The following SVOP variants were observed in gnomAD, a reference collection of about 807,000 sequenced individuals.
SVOP encodes SV2 related protein, also known as synaptic vesicle 2-related protein.
In SVOP, 17 loss-of-function variants were observed where a neutral mutation model predicts 69.1. That is an observed-to-expected ratio of 0.25 (90% CI 0.17 to 0.37). The LOEUF (loss-of-function observed/expected upper bound fraction) is 0.37, where lower values mean the gene tolerates loss of function less well. SVOP is among the 10% of genes least tolerant of loss of function. The probability of loss-of-function intolerance (pLI) is 1.00; values close to 1 mark genes in which losing one functional copy is unlikely to be tolerated. For missense variants in SVOP, 435 were observed against 597.5 expected (o/e 0.73, Z 2.84); for synonymous variants, 238 against 238.6 (o/e 1.00, Z 0.02).
chr12:108,929,357 T>A (rs2039801893), intron 11 of SVOP, among the ~76,000 whole-genome samples: 1 of 152,210 alleles, frequency 6.6e-6, no homozygotes, highest in Non-Finnish European at 1.5e-5. Flanking sequence ...GGCCTCGCTC[T>A]GTTGCCCAGG....
intron 5 of SVOP, among the ~76,000 whole-genome samples, chr12:108,961,427 C>CTT (rs373090263): frequency 2.3e-5 from 3 of 133,272 alleles, no homozygotes; most frequent in African/African-American, 5.5e-5. Context: ...ACATTCAAGA[C>CTT]TTTTTTTTTT....
At chr12:108,933,481 C>T (rs1252810954) in intron 11 of SVOP, among the ~76,000 whole-genome samples, 1 of 151,596 alleles carries the variant, frequency 6.6e-6, no homozygotes, top group Non-Finnish European at 1.5e-5. Context: ...AGTTTGAGAC[C>T]TGCCTGGCCA....
intron 1 of SVOP, among the ~76,000 whole-genome samples, chr12:108,996,733 C>A (rs960293382): frequency 1.3e-5 from 2 of 152,006 alleles, no homozygotes; most frequent in Admixed American, 1.3e-4. Flanking sequence ...GAGCTATAGA[C>A]CAGCCTGGGT....
chr12:108,944,381 G>C (rs1455083229), intron 7 of SVOP, among the ~76,000 whole-genome samples: 3 of 151,956 alleles, frequency 2.0e-5, no homozygotes, highest in Non-Finnish European at 4.4e-5. Context: ...CACCCTAATT[G>C]GTAAGAAGCA....
At chr12:108,989,664 A>G (rs141494394) in intron 1 of SVOP, among the ~76,000 whole-genome samples, 135,310 of 152,236 alleles carry the variant, frequency 0.89, 61,264 homozygotes, top group Non-Finnish European at 0.99. Flanking sequence ...GGGGCAATCC[A>G]GAGGGAGCTA....
chr12:108,990,953 C>T (rs2040197028), intron 1 of SVOP, among the ~76,000 whole-genome samples: 1 of 152,218 alleles, frequency 6.6e-6, no homozygotes, highest in Non-Finnish European at 1.5e-5. Flanking sequence ...GATCTGGGGA[C>T]TGCTCTTCTC....
intron 1 of SVOP, among the ~76,000 whole-genome samples, chr12:109,000,001 T>A (rs1273593542): frequency 6.7e-6 from 1 of 149,998 alleles, no homozygotes; most frequent in Non-Finnish European, 1.5e-5. Context: ...AAAAAACCCT[T>A]CAAAAAATTA....
chr12:108,931,996 A>G (rs1380103721), intron 11 of SVOP, among the ~76,000 whole-genome samples: 1 of 152,028 alleles, frequency 6.6e-6, no homozygotes, highest in Non-Finnish European at 1.5e-5. Context: ...GGGATTTGCG[A>G]TGATAATTTT....
intron 6 of SVOP, among the ~76,000 whole-genome samples, chr12:108,956,889 G>T (rs1302628070): frequency 6.6e-6 from 1 of 152,236 alleles, no homozygotes; most frequent in African/African-American, 2.4e-5. Context: ...TAAGGTGTCA[G>T]CTTGGAGACG....
intron 8 of SVOP, among the ~76,000 whole-genome samples, chr12:108,940,080 C>T (rs925799158): frequency 6.6e-6 from 1 of 152,232 alleles, no homozygotes; most frequent in African/African-American, 2.4e-5. Flanking sequence ...GCTGGTATCA[C>T]CCTGACTAAT....
chr12:109,016,813 G>A (rs1474641070), intron 1 of SVOP, among the ~76,000 whole-genome samples: 3 of 150,824 alleles, frequency 2.0e-5, no homozygotes, highest in Non-Finnish European at 4.4e-5. Context: ...CATGATCATG[G>A]CTCATTGCAG....
rs2039659663 is a variant in SVOP, at chr12:108,908,132, G to T, written c.*4403C>A. On this transcript the variant is annotated 3_prime_UTR_variant, in exon 16 of 16. Transcript: ENST00000610966. ...TGCAGAGCTGGGTTATGAGGCTATGGAAGCTCTGTGCATGATTATGCATAC... is the reference window on the plus strand; with the variant it reads ...TGCAGAGCTGGGTTATGAGGCTATGTAAGCTCTGTGCATGATTATGCATAC... 1 of 152,208 alleles carries T rather than the reference G, an allele frequency of 6.6e-6. No homozygotes were observed. The highest frequency in any genetic ancestry group is 2.1e-4 in the South Asian group (1 of 4,828). 9.4% of individuals were successfully genotyped at this position (152,208 alleles called of 1,614,324 possible).
At chr12:108,943,536 T>A (rs909993737) in intron 7 of SVOP, among the ~76,000 whole-genome samples, 1 of 149,214 alleles carries the variant, frequency 6.7e-6, no homozygotes, top group Non-Finnish European at 1.5e-5. Context: ...AGGCGGAGGA[T>A]GCAGAGAGCC....
In SVOP at chr12:108,978,660, G is replaced by T. The variant is rs1383607434; in HGVS notation, c.200C>A (p.Thr67Asn). 1.4e-6 allele frequency: 1 copy of T among 703,930 alleles called. No individual in the cohort carries two copies. Among genetic ancestry groups the T allele is most frequent in the Admixed American group, 2.0e-5 (1 of 49,974 alleles). The allele number at this position is 703,930 out of a possible 1,614,324, so 43.6% of individuals were successfully genotyped here. Residue 67 changes from threonine (T) to asparagine (N), a missense_variant, in exon 3 of 16, where the codon ACT becomes AAT. Transcript: ENST00000610966. ...PKEFANPTDD[T>N]FMVEDAVEAI... ...TTCCACTGCATCTTCCACCATGAAA[G>T]TATCTGGGAAGGAGAAAGGGAGAGG...
intron 7 of SVOP, among the ~76,000 whole-genome samples, chr12:108,943,799 TTC>T (rs1328892837): frequency 6.6e-6 from 1 of 151,422 alleles, no homozygotes; most frequent in Non-Finnish European, 1.5e-5. Context: ...CTTCTTCTTC[TTC>T]TCTTTCTCCT....
chr12:108,946,004 G>A (rs1354372676), intron 6 of SVOP, among the ~76,000 whole-genome samples: 1 of 152,158 alleles, frequency 6.6e-6, no homozygotes, highest in Non-Finnish European at 1.5e-5. Context: ...CCAATATCCT[G>A]TTCCCCATAG....
chr12:109,019,620 T>G (rs918600129), intron 1 of SVOP, among the ~76,000 whole-genome samples: 1 of 152,228 alleles, frequency 6.6e-6, no homozygotes, highest in Non-Finnish European at 1.5e-5. Flanking sequence ...TACTGTTATA[T>G]CTACGTCTGG....
At chr12:108,951,420 T>C (rs1385528077) in intron 6 of SVOP, among the ~76,000 whole-genome samples, 2 of 152,254 alleles carry the variant, frequency 1.3e-5, no homozygotes, top group African/African-American at 4.8e-5. Context: ...CATTTGTTAT[T>C]TGTTGGTGCT....
chr12:108,918,382 G>A (rs1215396353), intron 13 of SVOP, among the ~76,000 whole-genome samples: 5 of 152,252 alleles, frequency 3.3e-5, no homozygotes, highest in Non-Finnish European at 7.3e-5. Context: ...CAAGATTAGG[G>A]AGAAGTGATA....
Sources: gnomAD v4.1 joint callset for allele counts (sites outside exome capture counted in the v4.1 genomes callset) on GRCh38, gnomAD v4.1.1 for gene constraint, MANE v1.5 for transcripts, NCBI Gene and HGNC (gene_info 2026-07-23, HGNC 2026-07-21) for gene names.